Variants in PRTG observed in about 807,000 individuals in gnomAD.
PRTG encodes the protein protogenin, also known as immunoglobulin superfamily, DCC subclass, member 5.
Under a neutral mutation model 122.5 loss-of-function variants are expected in PRTG, and 67 were observed. That is an observed-to-expected ratio of 0.55 (90% CI 0.45 to 0.67). PRTG has a LOEUF of 0.67. Among genes scored for constraint, PRTG ranks in the 30% least tolerant of loss-of-function variants. The pLI is 0.00. For synonymous variants in PRTG, 554 were observed against 501.1 expected (o/e 1.11, Z -1.41); for missense variants, 1,435 against 1,415.4 (o/e 1.01, Z -0.22).
At chr15:55,721,942 G>A (rs1378872827) in intron 2 of PRTG, among the ~76,000 whole-genome samples, 10 of 152,226 alleles carry the variant, frequency 6.6e-5, no homozygotes, top group South Asian at 2.1e-4. Flanking sequence ...CCCACCACAC[G>A]TGGAGATTAT....
At chr15:55,708,150 A>T (rs1429188694) in intron 2 of PRTG, among the ~76,000 whole-genome samples, 1 of 73,352 alleles carries the variant, frequency 1.4e-5, no homozygotes, top group Non-Finnish European at 2.9e-5. Context: ...TAAGCTGGTA[A>T]AAAAAAAAAA....
At chr15:55,699,035 G>T (rs972514905) in intron 2 of PRTG, among the ~76,000 whole-genome samples, 1 of 152,074 alleles carries the variant, frequency 6.6e-6, no homozygotes, top group Non-Finnish European at 1.5e-5. Context: ...CAGTTCTAAA[G>T]AGCCTTCCCA....
intron 11 of PRTG, among the ~76,000 whole-genome samples, chr15:55,643,619 T>G (rs1444966638): frequency 6.6e-6 from 1 of 151,632 alleles, no homozygotes; most frequent in Non-Finnish European, 1.5e-5. Context: ...AGACAAGGAC[T>G]CAACATATTG....
chr15:55,640,112 G>A, intron 12 of PRTG: 2 of 283,084 alleles, frequency 7.1e-6, no homozygotes, highest in African/African-American at 2.3e-5. Flanking sequence ...GGCTGTCAGA[G>A]TGCAGTTACA....
intron 4 of PRTG, 138 bp from the exon 5 acceptor site, chr15:55,680,766 C>G: frequency 2.1e-6 from 1 of 465,730 alleles, no homozygotes; most frequent in East Asian, 3.7e-5. Context: ...ACATACCATC[C>G]AATTCACCCA....
rs2059478957 is a variant in PRTG at position 55,672,591 on chromosome 15, G to A, written c.1895C>T (p.Thr632Ile). ...PELHLEPLNC[T>I]TISVRWQQDV... The stretch of plus-strand genomic sequence containing the variant: ...TTGCTGCCACCTCACAGAAATGGTG[G>A]TACAGTTCAGAGGCTCCAAATGCAA... Residue 632 changes from threonine to isoleucine, a missense_variant, in exon 11 of 20, where the codon ACC (threonine) becomes ATC (isoleucine). Thr to Ile is a moderately conservative substitution (Grantham distance 89). Coordinates refer to ENST00000389286, the MANE Select transcript of PRTG (RefSeq NM_173814.6). The A allele has an allele frequency of 1.2e-6, 2 of 1,613,978 alleles. No individual in the cohort carries two copies. The highest frequency in any genetic ancestry group is 1.7e-6 in the Non-Finnish European group (2 of 1,180,000).
At chr15:55,629,640 C>T (rs980013614) in intron 15 of PRTG, among the ~76,000 whole-genome samples, 9 of 151,814 alleles carry the variant, frequency 5.9e-5, no homozygotes, top group African/African-American at 2.2e-4. Context: ...GACTACGGGC[C>T]CACTCCACTG....
At position 55,733,124 on chromosome 15, in the gene PRTG, G is replaced by A. The variant is rs182692577; in HGVS notation, c.397+7258C>T. 1.4e-3 allele frequency among the ~76,000 whole-genome samples: 215 copies of A among 152,176 alleles called. 1 individual carries two copies. The highest frequency in any genetic ancestry group is 4.9e-3 in the African/African-American group (202 of 41,550). On this transcript the variant is annotated intron_variant, in intron 2 of 19. Transcript: ENST00000389286. ...CTCAGGAGGCTGAGGCAGGAGAATC[G>A]CTTGAACCCGGGAGGCAGAGGTTGC...
In PRTG at chr15:55,627,101, T is replaced by A; in HGVS notation, c.2834A>T (p.Gln945Leu). ...TACAGCAATGCCAGTCATTGATTTT[T>A]GGTCCAGATGGTAATATCCTGAATA... ...KVYSGYYHLDQKSMTGIAVGV... is the reference protein window; with the variant it reads ...KVYSGYYHLDLKSMTGIAVGV... The change falls in exon 17 of 20, where the codon CAA (glutamine) becomes CTA (leucine). Residue 945 changes from glutamine to leucine, a missense_variant. Coordinates refer to ENST00000389286, the MANE Select transcript of PRTG (RefSeq NM_173814.6). 6.2e-7 allele frequency: 1 copy of A among 1,605,838 alleles called. No homozygotes were observed. The highest frequency in any genetic ancestry group is 8.5e-7 in the Non-Finnish European group (1 of 1,173,078).
intron 2 of PRTG, among the ~76,000 whole-genome samples, chr15:55,691,047 C>T (rs2059597519): frequency 6.6e-6 from 1 of 152,144 alleles, no homozygotes; most frequent in Admixed American, 6.5e-5. Flanking sequence ...GTGGCTCACA[C>T]CCGTAATCCC....
At chr15:55,735,804 C>T (rs139471342) in intron 2 of PRTG, among the ~76,000 whole-genome samples, 1 of 150,394 alleles carries the variant, frequency 6.6e-6, no homozygotes, top group African/African-American at 2.4e-5. Flanking sequence ...AAATGATCCT[C>T]ACTAATCTAG....
intron 2 of PRTG, among the ~76,000 whole-genome samples, chr15:55,733,293 C>A (rs529829119): frequency 6.6e-6 from 1 of 151,970 alleles, no homozygotes; most frequent in East Asian, 1.9e-4. Flanking sequence ...GTCAGATCAC[C>A]TGAGGTTGGG....
At chr15:55,673,185 C>T (rs961443095) in intron 10 of PRTG, among the ~76,000 whole-genome samples, 186 bp downstream of exon 10, 1 of 152,152 alleles carries the variant, frequency 6.6e-6, no homozygotes, top group Admixed American at 6.6e-5. Context: ...AAAGTTTACA[C>T]ACAAATAAAC....
chr15:55,637,620 A>G (rs1482729513), intron 14 of PRTG, among the ~76,000 whole-genome samples: 1 of 152,180 alleles, frequency 6.6e-6, no homozygotes, highest in Non-Finnish European at 1.5e-5. Flanking sequence ...ATTGCTAACT[A>G]GAAATGTTTA....
intron 11 of PRTG, among the ~76,000 whole-genome samples, chr15:55,647,204 C>T (rs1234180219): frequency 1.3e-5 from 2 of 152,022 alleles, no homozygotes; most frequent in African/African-American, 2.4e-5. Flanking sequence ...CGCTTGAACC[C>T]AGGAGGCAGC....
intron 11 of PRTG, among the ~76,000 whole-genome samples, chr15:55,661,121 T>G (rs1207181999): frequency 6.6e-6 from 1 of 152,202 alleles, no homozygotes; most frequent in East Asian, 1.9e-4. Context: ...AAAGGTTTTG[T>G]CTTGCTTTCC....
intron 11 of PRTG, 98 bp from the exon 12 acceptor site, chr15:55,641,306 T>A: frequency 2.6e-6 from 2 of 758,712 alleles, no homozygotes; most frequent in Non-Finnish European, 4.4e-6. Context: ...AAAAACCTGC[T>A]GAATGCATAA....
intron 2 of PRTG, among the ~76,000 whole-genome samples, chr15:55,723,706 TTTA>T (rs1189829593): frequency 6.6e-6 from 1 of 151,862 alleles, no homozygotes; most frequent in Non-Finnish European, 1.5e-5. Flanking sequence ...TCATCACATA[TTTA>T]TTCTTCCTCA....
chr15:55,686,648 A>G (rs1240267259), intron 2 of PRTG, among the ~76,000 whole-genome samples: 3 of 152,168 alleles, frequency 2.0e-5, no homozygotes, highest in Non-Finnish European at 4.4e-5. Flanking sequence ...CATCACCCTC[A>G]GTGATCATCA....
Sources: gnomAD v4.1 joint callset for allele counts (sites outside exome capture counted in the v4.1 genomes callset) on GRCh38, gnomAD v4.1.1 for gene constraint, MANE v1.5 for transcripts, NCBI Gene and HGNC (gene_info 2026-07-23, HGNC 2026-07-21) for gene names.